The following SCRG1 variants were observed in gnomAD, a reference collection of about 807,000 sequenced individuals.
SCRG1 encodes scrapie-responsive protein 1.
A neutral mutation model predicts 7.7 loss-of-function variants in SCRG1; 3 were observed. That is an observed-to-expected ratio of 0.39 (90% CI 0.18 to 1.01). The LOEUF (loss-of-function observed/expected upper bound fraction) is 1.01. Among genes scored for constraint, SCRG1 ranks in the 50% least tolerant of loss-of-function variants. The probability of loss-of-function intolerance (pLI) is 0.36; values close to 1 mark genes in which losing one functional copy is unlikely to be tolerated. For synonymous variants in SCRG1, 46 were observed against 41.2 expected, an observed-to-expected ratio of 1.12 and a Z score of -0.44; for missense variants, 110 against 117.2, an observed-to-expected ratio of 0.94 and a Z score of 0.28.
intron 1 of SCRG1, among the ~76,000 whole-genome samples, chr4:173,396,820 C>A (rs576412164): frequency 6.6e-6 from 1 of 150,886 alleles, no homozygotes; most frequent in African/African-American, 2.4e-5. Flanking sequence ...TCTGGGAGGC[C>A]GAGGCGGGCA....
At chr4:173,431,249 T>C in the SCRG1 span, among the ~76,000 whole-genome samples, 1 of 152,130 alleles carries the variant, frequency 6.6e-6, no homozygotes, top group Non-Finnish European at 1.5e-5. Context: ...AGGCTGGGGT[T>C]CAAGCAGGGG....
chr4:173,439,684 G>C, the SCRG1 span, among the ~76,000 whole-genome samples: 1 of 151,788 alleles, frequency 6.6e-6, no homozygotes, highest in Non-Finnish European at 1.5e-5. Context: ...TCTTATTTGG[G>C]GCAAATACAT....
At chr4:173,418,883 C>T in the SCRG1 span, among the ~76,000 whole-genome samples, 1 of 152,170 alleles carries the variant, frequency 6.6e-6, no homozygotes. Flanking sequence ...TCACCTTCTG[C>T]CATGGTTGTA....
chr4:173,484,596 T>C, the SCRG1 span, among the ~76,000 whole-genome samples: 8 of 94,214 alleles, frequency 8.5e-5, no homozygotes, highest in South Asian at 2.7e-3. Context: ...ATTATGTATA[T>C]TTTATGTAGT....
the SCRG1 span, among the ~76,000 whole-genome samples, chr4:173,475,838 A>T: frequency 6.6e-6 from 1 of 152,220 alleles, no homozygotes; most frequent in Non-Finnish European, 1.5e-5. Context: ...TAAGCCAGTA[A>T]TAAAAAGACA....
At chr4:173,455,440 A>T in the SCRG1 span, among the ~76,000 whole-genome samples, 1 of 152,102 alleles carries the variant, frequency 6.6e-6, no homozygotes, top group Non-Finnish European at 1.5e-5. Flanking sequence ...GGGGCATCGC[A>T]GTTGGTAGTC....
the SCRG1 span, among the ~76,000 whole-genome samples, chr4:173,503,880 C>T: frequency 1.3e-5 from 2 of 152,198 alleles, no homozygotes. This position sits in a 1 kb window ranked among gnomAD's most constrained non-coding sequence, Gnocchi z 6.4. Context: ...TAGAGACTTA[C>T]AATAAACCTC....
chr4:173,422,048 G>T, the SCRG1 span, among the ~76,000 whole-genome samples: 1 of 152,196 alleles, frequency 6.6e-6, no homozygotes, highest in Non-Finnish European at 1.5e-5. Context: ...AAGCAAATAT[G>T]TACCTGATAA....
the SCRG1 span, among the ~76,000 whole-genome samples, chr4:173,496,650 G>C: frequency 6.6e-6 from 1 of 152,192 alleles, no homozygotes; most frequent in Admixed American, 6.5e-5. Flanking sequence ...TTGCAAACAG[G>C]CATCAAGTAC....
chr4:173,427,912 T>G, the SCRG1 span, among the ~76,000 whole-genome samples: 1 of 152,234 alleles, frequency 6.6e-6, no homozygotes, highest in South Asian at 2.1e-4. Flanking sequence ...ATTATAGTTA[T>G]TAATGATTTG....
chr4:173,494,394 G>C, the SCRG1 span, among the ~76,000 whole-genome samples: 428 of 152,326 alleles, frequency 2.8e-3, 2 homozygotes, highest in African/African-American at 9.7e-3. Flanking sequence ...CTTTAGGGTT[G>C]CCGTCATCCT....
chr4:173,461,637 C>A, the SCRG1 span, among the ~76,000 whole-genome samples: 4 of 152,160 alleles, frequency 2.6e-5, no homozygotes, highest in Non-Finnish European at 4.4e-5. Context: ...AAATACCTAA[C>A]CCTTCAATGC....
At chr4:173,494,484 G>A in the SCRG1 span, among the ~76,000 whole-genome samples, 5 of 152,326 alleles carry the variant, frequency 3.3e-5, no homozygotes, top group East Asian at 5.8e-4. Context: ...CCAACACGGG[G>A]TGCGCTCTTC....
chr4:173,396,750 A>AGTGTG (rs1739617959), intron 1 of SCRG1, among the ~76,000 whole-genome samples: 1 of 12,760 alleles, frequency 7.8e-5, no homozygotes, highest in Admixed American at 8.0e-4. Context: ...GTGTGTGTGT[A>AGTGTG]TGCATTATAA....
chr4:173,506,021 GC>G, the SCRG1 span, among the ~76,000 whole-genome samples: 6 of 152,180 alleles, frequency 3.9e-5, no homozygotes, highest in Admixed American at 1.3e-4. This position sits in a 1 kb window ranked among gnomAD's most constrained non-coding sequence, Gnocchi z 5.3. Flanking sequence ...TGTTGTCCCC[GC>G]CCGGGCTGAA....
chr4:173,461,976 G>T, the SCRG1 span, among the ~76,000 whole-genome samples: 19 of 152,086 alleles, frequency 1.2e-4, no homozygotes, highest in Admixed American at 1.2e-3. Flanking sequence ...GAATTAGTGG[G>T]CTTGAAGACA....
At chr4:173,472,312 T>C in the SCRG1 span, among the ~76,000 whole-genome samples, 2 of 152,368 alleles carry the variant, frequency 1.3e-5, no homozygotes, top group Admixed American at 1.3e-4. Context: ...TATTTTTACG[T>C]GAAGCTGTGA....
the SCRG1 span, among the ~76,000 whole-genome samples, chr4:173,503,307 T>A: frequency 1.2e-3 from 185 of 152,174 alleles, no homozygotes; most frequent in African/African-American, 4.4e-3. The surrounding 1 kb of genome is among the most constrained non-coding windows in gnomAD (Gnocchi z 6.4). Context: ...GTGGGGAGGG[T>A]TGGACGTGGA....
chr4:173,397,316 A>C (rs1356423518), intron 1 of SCRG1, among the ~76,000 whole-genome samples: 1 of 152,166 alleles, frequency 6.6e-6, no homozygotes, highest in Non-Finnish European at 1.5e-5. Context: ...AATTTGAAGA[A>C]AATTGGTCTT....
Sources: allele counts gnomAD v4.1 joint callset (sites outside exome capture counted in the v4.1 genomes callset), GRCh38; gene constraint gnomAD v4.1.1; non-coding constraint Gnocchi (gnomAD v3.1); transcripts MANE v1.5; gene names NCBI Gene and HGNC (gene_info 2026-07-23, HGNC 2026-07-21).